The following SIL1 variants were observed in gnomAD, a reference collection of about 807,000 sequenced individuals.
SIL1 encodes the protein SIL1 nucleotide exchange factor, also known as nucleotide exchange factor SIL1.
SIL1 carries 40 observed loss-of-function variants against 49.1 expected under a neutral mutation model. The observed-to-expected ratio is 0.81, with a 90% CI of 0.63 to 1.06. The LOEUF is 1.06. Ranked by LOEUF, SIL1 falls within the 50% of genes least tolerant of loss-of-function variation. The pLI is 0.00. For synonymous variants in SIL1, 253 were observed against 250.8 expected (o/e 1.01, Z -0.08); for missense variants, 500 against 572.6 (o/e 0.87, Z 1.29).
intron 9 of SIL1, among the ~76,000 whole-genome samples, chr5:138,949,640 T>C (rs1766716690): frequency 6.6e-6 from 1 of 151,704 alleles, no homozygotes; most frequent in South Asian, 2.1e-4. Context: ...AGTGAGACCC[T>C]GTCTACAAAA....
rs377124227 is a variant in SIL1, at chr5:138,984,446, C to T, written c.768-32562G>A. Among the ~76,000 whole-genome samples, 9 of 151,022 alleles carry T rather than the reference C, an allele frequency of 6.0e-5. No homozygotes were observed. In the East Asian group the frequency reaches 7.8e-4, roughly 13 times the overall value. On this transcript the variant is annotated intron_variant, in intron 7 of 9. Coordinates refer to ENST00000394817, the MANE Select transcript of SIL1 (RefSeq NM_022464.5). ...TGATCTTGGCTCACTGCAACCTGTG[C>T]CTCCTAGGTTCAAGCGATTCTCCTG... is the stretch of plus-strand genomic sequence containing the variant.
intron 1 of SIL1, among the ~76,000 whole-genome samples, chr5:139,142,003 C>T (rs995714762): frequency 2.0e-5 from 3 of 152,170 alleles, no homozygotes; most frequent in South Asian, 2.1e-4. Context: ...TGGAAAAAGC[C>T]GCAGTCTTAA....
chr5:139,011,314 C>T (rs1481559491), intron 7 of SIL1, among the ~76,000 whole-genome samples: 1 of 152,202 alleles, frequency 6.6e-6, no homozygotes, highest in South Asian at 2.1e-4. Context: ...CCTCGCCCTG[C>T]TTCGGCTCCC....
rs754482108 is a variant in SIL1 at position 138,947,277 on chromosome 5, C to T, written c.1226G>A (p.Arg409Gln). The change falls in exon 10 of 10, where the codon CGG becomes CAG. Residue 409 changes from arginine to glutamine, a missense_variant. Arg to Gln is a conservative substitution (Grantham distance 43). Transcript: ENST00000394817. The surrounding 1 kb of genome is among the most constrained non-coding windows in gnomAD (Gnocchi z 4.1). ...QTLGVLLTTC[R>Q]DRYRQDPQLG... is the part of the protein sequence containing the mutation. Reference sequence around the variant, plus strand: ...CTGGGGGTCCTGACGGTAGCGGTCCCGGCAGGTGGTCAGGAGGACGCCCAG... The same window carrying T: ...CTGGGGGTCCTGACGGTAGCGGTCCTGGCAGGTGGTCAGGAGGACGCCCAG... The T allele has an allele frequency of 3.1e-6, 5 of 1,613,508 alleles. 1 individual carries two copies. The South Asian group carries it at 3.3e-5, about 11-fold the overall frequency.
intron 3 of SIL1, among the ~76,000 whole-genome samples, chr5:139,101,725 C>A (rs887796364): frequency 6.6e-6 from 1 of 152,176 alleles, no homozygotes; most frequent in African/African-American, 2.4e-5. Flanking sequence ...GGGTTAGACA[C>A]AGGTAGGTAG....
intron 1 of SIL1, among the ~76,000 whole-genome samples, chr5:139,145,628 G>A (rs1483516419): frequency 2.2e-5 from 2 of 91,078 alleles, no homozygotes; most frequent in Non-Finnish European, 4.7e-5. Context: ...GGGTGTGGGG[G>A]CGTGTGTGTG....
chr5:139,129,746 A>T (rs1750823420), intron 1 of SIL1, among the ~76,000 whole-genome samples: 1 of 152,248 alleles, frequency 6.6e-6, no homozygotes, highest in African/African-American at 2.4e-5. Context: ...TGAATCAAAG[A>T]CCTACATTTA....
chr5:139,174,253 A>T (rs1751834370), intron 1 of SIL1, among the ~76,000 whole-genome samples: 1 of 152,228 alleles, frequency 6.6e-6, no homozygotes, highest in Non-Finnish European at 1.5e-5. Context: ...TAATCCTAGC[A>T]CTTTGGGAGG....
At chr5:138,960,695 A>T (rs1767002486) in intron 7 of SIL1, among the ~76,000 whole-genome samples, 1 of 152,202 alleles carries the variant, frequency 6.6e-6, no homozygotes, top group South Asian at 2.1e-4. Flanking sequence ...GCCTCAAGTG[A>T]TCTGCCAGCC....
At chr5:138,957,629 G>A (rs2150382291) in intron 7 of SIL1, among the ~76,000 whole-genome samples, 1 of 152,138 alleles carries the variant, frequency 6.6e-6, no homozygotes, top group East Asian at 1.9e-4. Context: ...TGCAAGAATA[G>A]TAAATAAACT....
At chr5:139,062,323 T>C (rs1223578194) in intron 3 of SIL1, among the ~76,000 whole-genome samples, 2 of 152,140 alleles carry the variant, frequency 1.3e-5, no homozygotes, top group Non-Finnish European at 2.9e-5. Context: ...GACTAAACAA[T>C]GACAAACTGA....
At chr5:139,175,494 CA>C (rs1751862550) in intron 1 of SIL1, among the ~76,000 whole-genome samples, 1 of 152,190 alleles carries the variant, frequency 6.6e-6, no homozygotes, top group African/African-American at 2.4e-5. Context: ...AACCAGTAAT[CA>C]AAAATCTCCC....
intron 7 of SIL1, among the ~76,000 whole-genome samples, chr5:139,018,276 T>C (rs1768442450): frequency 6.6e-6 from 1 of 151,970 alleles, no homozygotes; most frequent in Non-Finnish European, 1.5e-5. Context: ...AGCAGGCAAA[T>C]AAATGCCCTC....
chr5:139,109,744 C>T (rs1393924106), intron 3 of SIL1, among the ~76,000 whole-genome samples: 8 of 146,636 alleles, frequency 5.5e-5, no homozygotes, highest in Non-Finnish European at 7.5e-5. Flanking sequence ...CATCCAACTG[C>T]TAGACTGGAA....
At chr5:138,964,575 A>C (rs1767093785) in intron 7 of SIL1, among the ~76,000 whole-genome samples, 1 of 152,220 alleles carries the variant, frequency 6.6e-6, no homozygotes, top group South Asian at 2.1e-4. Context: ...ATTTCTGATA[A>C]ATCATTAAAA....
chr5:138,999,834 G>C (rs960541669), intron 7 of SIL1, among the ~76,000 whole-genome samples: 1 of 152,150 alleles, frequency 6.6e-6, no homozygotes, highest in South Asian at 2.1e-4. Flanking sequence ...GCAGGTCAAG[G>C]CTGCAGTGCA....
intron 1 of SIL1, among the ~76,000 whole-genome samples, chr5:139,163,372 G>A (rs1223199800): frequency 4.0e-5 from 6 of 149,544 alleles, no homozygotes; most frequent in East Asian, 1.9e-4. Context: ...TTTTTTTTTC[G>A]GTTTTTTCTT....
At chr5:139,025,622 C>G (rs1768629162) in intron 6 of SIL1, among the ~76,000 whole-genome samples, 1 of 152,136 alleles carries the variant, frequency 6.6e-6, no homozygotes, top group Admixed American at 6.5e-5. Context: ...AACCTCACCT[C>G]TCCAGCCCCC....
chr5:139,004,952 T>A (rs1768076060), intron 7 of SIL1, among the ~76,000 whole-genome samples: 1 of 152,062 alleles, frequency 6.6e-6, no homozygotes. Context: ...AGGGCTGGGG[T>A]AAAAGATAGG....
Sources: gnomAD v4.1 joint callset for allele counts (sites outside exome capture counted in the v4.1 genomes callset) on GRCh38, gnomAD v4.1.1 for gene constraint, Gnocchi (gnomAD v3.1) non-coding constraint, MANE v1.5 for transcripts, NCBI Gene and HGNC (gene_info 2026-07-23, HGNC 2026-07-21) for gene names.